Variants in CEP85L observed in about 807,000 individuals in gnomAD.
CEP85L encodes centrosomal protein 85L, also known as centrosomal protein of 85 kDa-like.
CEP85L carries 60 observed loss-of-function variants against 100.3 expected under a neutral mutation model. The observed-to-expected ratio is 0.60, with a 90% CI of 0.49 to 0.74. CEP85L has a LOEUF of 0.74. Ranked by LOEUF, CEP85L falls within the 30% of genes least tolerant of loss-of-function variation. CEP85L has a pLI of 0.00. For missense variants in CEP85L, 973 were observed against 936.2 expected (o/e 1.04, Z -0.51); for synonymous variants, 319 against 322.7 (o/e 0.99, Z 0.12).
In CEP85L at chr6:118,464,248, A is replaced by G. The variant is rs909695129; in HGVS notation, c.*1157T>C. 6.6e-6 allele frequency: 1 copy of G among 152,224 alleles called. No homozygotes were observed. The highest frequency in any genetic ancestry group is 2.4e-5 in the African/African-American group (1 of 41,476). The allele number at this position is 152,224 out of a possible 1,614,324, so 9.4% of individuals were successfully genotyped here. A position where few individuals can be genotyped will look rare whatever the true frequency, so the allele number is the denominator to read the frequency against. On this transcript the variant is annotated 3_prime_UTR_variant, in exon 13 of 13. Transcript: ENST00000368491. ...TGGAAGTTTAAATGACTGTACGTCT[A>G]CTGCAAAATCAACTGCATTTCATAG...
At chr6:118,500,421 G>A (rs1208680284) in intron 5 of CEP85L, among the ~76,000 whole-genome samples, 3 of 27,774 alleles carry the variant, frequency 1.1e-4, no homozygotes, top group East Asian at 3.9e-4. Flanking sequence ...CCTGGCGCTG[G>A]GCTCCTTGAA....
At position 118,565,927 on chromosome 6, in the gene CEP85L, T is replaced by C. The variant is rs760755585; in HGVS notation, c.622A>G (p.Met208Val). The C allele has an allele frequency of 3.1e-6, 5 of 1,614,212 alleles. No individual in the cohort carries two copies. The highest frequency in any genetic ancestry group is 2.2e-5 in the South Asian group (2 of 91,090). The change falls in exon 3 of 13, where the codon ATG becomes GTG. Residue 208 changes from methionine (M) to valine (V), a missense_variant. Transcript: ENST00000368491. Reference sequence around the variant, plus strand: ...TTGTCCTCTAACCTAAGCATCTCCATACTATCATGTAAACAGCTAGGCCCA... The same window carrying C: ...TTGTCCTCTAACCTAAGCATCTCCACACTATCATGTAAACAGCTAGGCCCA... Reference protein sequence around the residue: ...TIGPSCLHDSMEMLRLEDKEI... With the variant: ...TIGPSCLHDSVEMLRLEDKEI...
Position 118,461,155 on chromosome 6 carries a change from G to A in CEP85L, c.*4250C>T, listed in dbSNP as rs1276965279. The A allele has an allele frequency of 6.6e-6, 1 of 151,860 alleles. No individual in the cohort carries two copies. The highest frequency in any genetic ancestry group is 1.9e-4 in the East Asian group (1 of 5,178). The allele number at this position is 151,860 out of a possible 1,614,324, so 9.4% of individuals were successfully genotyped here. ...CAGTCATAGTGACTGATTATACACT[G>A]TGCTGTGCTTTTTAATGTAACCACC... On this transcript the variant is annotated 3_prime_UTR_variant, in exon 13 of 13. Coordinates refer to ENST00000368491, the MANE Select transcript of CEP85L (RefSeq NM_001042475.3).
chr6:118,664,217 G>A (rs1776065574), intron 1 of CEP85L, among the ~76,000 whole-genome samples: 1 of 152,078 alleles, frequency 6.6e-6, no homozygotes, highest in African/African-American at 2.4e-5. Context: ...GTTATAATCA[G>A]CCACTGGTTG....
intron 2 of CEP85L, among the ~76,000 whole-genome samples, chr6:118,594,089 T>C (rs12206459): frequency 0.029 from 4,408 of 152,252 alleles, 108 homozygotes; most frequent in African/African-American, 0.056. Context: ...CCTAACTATT[T>C]ACTGTCTTCT....
chr6:118,471,593 AAG>A (rs1161338300), intron 10 of CEP85L, among the ~76,000 whole-genome samples: 1 of 151,992 alleles, frequency 6.6e-6, no homozygotes, highest in African/African-American at 2.4e-5. Flanking sequence ...CATAAATATA[AAG>A]CAGTTTTATC....
Position 118,491,871 on chromosome 6 carries a change from AGG to A in CEP85L, c.1258-8_1258-7del. On this transcript the variant is annotated splice_region_variant and splice_polypyrimidine_tract_variant and intron_variant, in intron 5 of 12. Transcript: ENST00000368491. ...GAAGTGTTCTCATATTGTGGCTGTT[AGG>A]AAAGAAAAAAAGGAGGTAAGACTTT... 1 of 1,576,158 alleles carries A rather than the reference AGG, an allele frequency of 6.3e-7. No homozygotes were observed. Among genetic ancestry groups the A allele is most frequent in the Non-Finnish European group, 8.6e-7 (1 of 1,165,782 alleles).
Position 118,481,801 on chromosome 6 carries a change from C to A in CEP85L, c.1723G>T (p.Glu575Ter), listed in dbSNP as rs1236007523. Reference protein sequence around the residue: ...QLICQKKKEKELVTTVQSLQQ... With the variant: ...QLICQKKKEK ...TACCTCTGAACGGTAGTTACTAACT[C>A]CTTTTCTTTCTTTTTCTGGCATATT... The change falls in exon 8 of 13, where the codon GAG (glutamate) becomes TAG (stop). Residue 575 changes from glutamate (E) to a stop codon, truncating the protein, a stop_gained. Transcript: ENST00000368491. LOFTEE classifies it high-confidence loss of function. The A allele has an allele frequency of 1.3e-6, 2 of 1,587,390 alleles. No homozygotes were observed. Among genetic ancestry groups the A allele is most frequent in the South Asian group, 1.2e-5 (1 of 85,182 alleles).
At chr6:118,670,674 GA>G (rs1321063455) in intron 1 of CEP85L, among the ~76,000 whole-genome samples, 2 of 152,166 alleles carry the variant, frequency 1.3e-5, no homozygotes, top group African/African-American at 4.8e-5. Context: ...CCTTGAACAA[GA>G]AAAATAGACA....
intron 12 of CEP85L, among the ~76,000 whole-genome samples, chr6:118,466,061 GAGAGGGAGAGGA>G (rs1004484485): frequency 5.3e-5 from 8 of 152,224 alleles, no homozygotes; most frequent in East Asian, 1.9e-4. Context: ...GAGAGAGACA[GAGAGGGAGAGGA>G]AGAGGGAGAG....
intron 1 of CEP85L, among the ~76,000 whole-genome samples, chr6:118,670,726 G>T (rs1000555693): frequency 6.6e-6 from 1 of 152,106 alleles, no homozygotes; most frequent in African/African-American, 2.4e-5. Context: ...TGGTTATGTG[G>T]TACTATTGCA....
At chr6:118,499,749 T>C (rs1582918430) in intron 5 of CEP85L, among the ~76,000 whole-genome samples, 1 of 152,072 alleles carries the variant, frequency 6.6e-6, no homozygotes. Flanking sequence ...ATAAAGAACA[T>C]ATACAAAATA....
intron 2 of CEP85L, among the ~76,000 whole-genome samples, chr6:118,583,769 C>G (rs193213572): frequency 3.7e-4 from 56 of 152,288 alleles, no homozygotes; most frequent in Admixed American, 3.0e-3. Flanking sequence ...ATAGCCCCTG[C>G]AACACCCCAA....
chr6:118,476,547 T>C (rs1773394831), intron 10 of CEP85L, among the ~76,000 whole-genome samples: 1 of 152,192 alleles, frequency 6.6e-6, no homozygotes, highest in East Asian at 1.9e-4. Context: ...AGGAGTTATG[T>C]TCTACCTATA....
At chr6:118,694,639 A>T (rs970144975) in intron 1 of CEP85L, among the ~76,000 whole-genome samples, 2 of 152,240 alleles carry the variant, frequency 1.3e-5, no homozygotes, top group Non-Finnish European at 2.9e-5. Flanking sequence ...TAAAAATTCT[A>T]AGTGAAAGCA....
chr6:118,691,122 A>G (rs1777028128), intron 1 of CEP85L, among the ~76,000 whole-genome samples: 1 of 152,240 alleles, frequency 6.6e-6, no homozygotes, highest in Non-Finnish European at 1.5e-5. Context: ...TCTCTGTCAA[A>G]TGACAAAGGA....
At position 118,493,316 on chromosome 6, in the gene CEP85L, T is replaced by C. The variant is rs114000165; in HGVS notation, c.1258-1451A>G. 8.5e-3 allele frequency among the ~76,000 whole-genome samples: 1,288 copies of C among 152,282 alleles called. 17 individuals carry two copies. Among genetic ancestry groups the C allele is most frequent in the African/African-American group, 0.03 (1,242 of 41,554 alleles). ...AAAAGGGAAAACTTACAAATCTAGG[T>C]TGCAGCCTTCCTGTAGAATTCCAAG... On this transcript the variant is annotated intron_variant, in intron 5 of 12. Coordinates refer to ENST00000368491, the MANE Select transcript of CEP85L (RefSeq NM_001042475.3).
At chr6:118,709,913 A>G (rs1476332686) in intron 1 of CEP85L, 1 of 152,148 alleles carries the variant, frequency 6.6e-6, no homozygotes, top group East Asian at 1.9e-4. Context: ...GGTATAAAAT[A>G]TTATCTATAA....
intron 3 of CEP85L, chr6:118,565,322 G>GT: frequency 1.7e-6 from 1 of 584,868 alleles, no homozygotes; most frequent in Non-Finnish European, 3.0e-6. Flanking sequence ...TAGGTACAAG[G>GT]TTTTCAGATT....
Sources: allele counts gnomAD v4.1 joint callset (sites outside exome capture counted in the v4.1 genomes callset), GRCh38; gene constraint gnomAD v4.1.1; transcripts MANE v1.5; gene names NCBI Gene and HGNC (gene_info 2026-07-23, HGNC 2026-07-21).